Variants in RPGRIP1L observed in about 807,000 individuals in gnomAD.
RPGRIP1L encodes the protein RPGRIP1 like, also known as protein fantom.
A neutral mutation model predicts 160.4 loss-of-function variants in RPGRIP1L; 131 were observed. The ratio of observed to expected loss-of-function variants is 0.82; its 90% CI spans 0.71 to 0.94. The LOEUF (loss-of-function observed/expected upper bound fraction) is 0.94. Ranked by LOEUF, RPGRIP1L falls within the 40% of genes least tolerant of loss-of-function variation. The pLI is 0.00. For synonymous variants in RPGRIP1L, 510 were observed against 515.8 expected (o/e 0.99, Z 0.15); for missense variants, 1,522 against 1,535.8 (o/e 0.99, Z 0.15).
At chr16:53,663,535 C>T (rs1967986535) in intron 10 of RPGRIP1L, among the ~76,000 whole-genome samples, 2 of 152,016 alleles carry the variant, frequency 1.3e-5, no homozygotes, top group Non-Finnish European at 2.9e-5. Context: ...CACATTTTTA[C>T]CTAAACAATA....
At chr16:53,687,484 CTTTA>C (rs1567881184) in intron 5 of RPGRIP1L, among the ~76,000 whole-genome samples, 2 of 152,034 alleles carry the variant, frequency 1.3e-5, no homozygotes, top group African/African-American at 2.4e-5. Flanking sequence ...CTCCCCAATT[CTTTA>C]TTTATTTTTT....
chr16:53,621,974 G>C (rs967587469), intron 23 of RPGRIP1L, among the ~76,000 whole-genome samples: 4 of 121,750 alleles, frequency 3.3e-5, no homozygotes, highest in African/African-American at 9.9e-5. Flanking sequence ...AGTGAGCCGA[G>C]ATTGCGTTAC....
chr16:53,666,781 T>A (rs1968304527), intron 9 of RPGRIP1L, among the ~76,000 whole-genome samples: 1 of 152,136 alleles, frequency 6.6e-6, no homozygotes, highest in Non-Finnish European at 1.5e-5. Context: ...ACAGCTAATC[T>A]GGCAGAAACA....
At chr16:53,688,059 CTTAAGTA>C (rs1598404320) in intron 4 of RPGRIP1L, 94 bp from the exon 5 acceptor site, 1 of 804,922 alleles carries the variant, frequency 1.2e-6, no homozygotes, top group Non-Finnish European at 2.1e-6. Context: ...AATAAAATCT[CTTAAGTA>C]TTAAGAGGTA....
chr16:53,644,039 A>T (rs1158745320), intron 17 of RPGRIP1L, among the ~76,000 whole-genome samples: 1 of 152,196 alleles, frequency 6.6e-6, no homozygotes, highest in Non-Finnish European at 1.5e-5. Flanking sequence ...ATAGTAAGAG[A>T]TTATAATGTT....
chr16:53,614,470 C>A (rs1037704635), intron 24 of RPGRIP1L, among the ~76,000 whole-genome samples: 5 of 152,158 alleles, frequency 3.3e-5, no homozygotes, highest in African/African-American at 1.2e-4. Flanking sequence ...GATATTGCTG[C>A]TGGTGGTGGG....
chr16:53,664,815 A>G, intron 10 of RPGRIP1L, 55 bp downstream of exon 10: 2 of 1,586,328 alleles, frequency 1.3e-6, no homozygotes, highest in Admixed American at 1.7e-5. Context: ...GACTGATTCA[A>G]TGAAGAAACA....
chr16:53,684,380 T>C (rs1316645894), intron 6 of RPGRIP1L, among the ~76,000 whole-genome samples: 1 of 152,176 alleles, frequency 6.6e-6, no homozygotes, highest in Admixed American at 6.5e-5. Flanking sequence ...TAAGAAAATG[T>C]GGCACATATA....
intron 3 of RPGRIP1L, among the ~76,000 whole-genome samples, chr16:53,693,022 T>A (rs185645988): frequency 2.0e-3 from 309 of 152,348 alleles, no homozygotes; most frequent in Middle Eastern, 6.8e-3. Flanking sequence ...GCTTTTGACA[T>A]CTCAGGAGTT....
At position 53,700,650 on chromosome 16, in the gene RPGRIP1L, C is replaced by A. The variant is rs143515432; in HGVS notation, c.74G>T (p.Gly25Val). 7.7e-5 allele frequency: 124 copies of A among 1,612,298 alleles called. No homozygotes were observed. In the African/African-American group the frequency reaches 1.3e-3, roughly 17 times the overall value. The change falls in exon 2 of 27, where the codon GGA (glycine) becomes GTA (valine). Residue 25 changes from glycine (G) to valine (V), a missense_variant. By Grantham distance (109) the Gly-to-Val change is moderately radical (BLOSUM62 -3). Coordinates refer to ENST00000647211, the MANE Select transcript of RPGRIP1L (RefSeq NM_015272.5). ...KDTGLNLFGMGGLQETSTTRT... is the reference protein window; with the variant it reads ...KDTGLNLFGMVGLQETSTTRT... Reference sequence around the variant, plus strand: ...ACAGCTGGCCATACCTTGTAACCCTCCCATTCCAAAGAGGTTTAGACCTGT... The same window carrying A: ...ACAGCTGGCCATACCTTGTAACCCTACCATTCCAAAGAGGTTTAGACCTGT...
At chr16:53,613,774 C>G (rs1257822887) in intron 24 of RPGRIP1L, among the ~76,000 whole-genome samples, 6 of 152,176 alleles carry the variant, frequency 3.9e-5, no homozygotes, top group Admixed American at 3.9e-4. Context: ...CCACTATTTA[C>G]TGGGTACTAT....
chr16:53,676,316 C>CT (rs1239615809), intron 6 of RPGRIP1L, among the ~76,000 whole-genome samples: 2 of 151,968 alleles, frequency 1.3e-5, no homozygotes, highest in African/African-American at 4.8e-5. Context: ...AACATGTTAT[C>CT]TAGTAGTTCT....
At chr16:53,645,033 AAT>A (rs1473432877) in intron 17 of RPGRIP1L, among the ~76,000 whole-genome samples, 1 of 152,226 alleles carries the variant, frequency 6.6e-6, no homozygotes, top group African/African-American at 2.4e-5. Flanking sequence ...AGGAAGACCA[AAT>A]ATATGGTGAC....
At chr16:53,631,116 TGATAA>T (rs1244037538) in intron 22 of RPGRIP1L, among the ~76,000 whole-genome samples, 15 of 152,356 alleles carry the variant, frequency 9.8e-5, no homozygotes, top group South Asian at 2.1e-4. Flanking sequence ...TTTTATCCAC[TGATAA>T]GATATCATAT....
intron 6 of RPGRIP1L, among the ~76,000 whole-genome samples, chr16:53,685,852 T>C (rs1176030463): frequency 6.6e-6 from 1 of 152,174 alleles, no homozygotes; most frequent in African/African-American, 2.4e-5. Flanking sequence ...CCTGTACATG[T>C]ACCCCTGAAC....
intron 22 of RPGRIP1L, among the ~76,000 whole-genome samples, chr16:53,622,790 A>G (rs1046352754): frequency 1.5e-5 from 2 of 135,530 alleles, no homozygotes; most frequent in Admixed American, 1.6e-4. Context: ...AAATAAAACA[A>G]AACAAAAACC....
intron 12 of RPGRIP1L, 23 bp downstream of exon 12, chr16:53,658,391 C>T (rs755942538): frequency 6.3e-7 from 1 of 1,578,100 alleles, no homozygotes; most frequent in South Asian, 1.1e-5. Flanking sequence ...ACATGAAAAT[C>T]ACGATGAAGT....
chr16:53,672,251 AC>A (rs1373419801), intron 8 of RPGRIP1L, among the ~76,000 whole-genome samples: 3 of 152,094 alleles, frequency 2.0e-5, no homozygotes, highest in Non-Finnish European at 4.4e-5. Context: ...TGCAGTCACA[AC>A]TTTTTCCTGT....
In RPGRIP1L at chr16:53,672,885, T is replaced by C; in HGVS notation, c.1014A>G (p.Glu338=). The change falls in exon 8 of 27, where the codon GAA becomes GAG. Residue 338 remains glutamate (E), a synonymous_variant. Transcript: ENST00000647211. ...EKQLHSMKFS[E]RRIEELQDRI... is the part of the protein sequence containing the mutation. ...GGGAGCTTACCTCTTCTATTCTTCT[T>C]TCAGAAAACTTCATAGAATGTAATT... 1 of 1,612,788 alleles carries C rather than the reference T, an allele frequency of 6.2e-7. No individual in the cohort carries two copies. Among genetic ancestry groups the C allele is most frequent in the Non-Finnish European group, 8.5e-7 (1 of 1,179,390 alleles).
Sources: gnomAD v4.1 joint callset for allele counts (sites outside exome capture counted in the v4.1 genomes callset) on GRCh38, gnomAD v4.1.1 for gene constraint, MANE v1.5 for transcripts, NCBI Gene and HGNC (gene_info 2026-07-23, HGNC 2026-07-21) for gene names.